Variants in CTNNBL1 observed in about 807,000 individuals in gnomAD.
CTNNBL1 encodes catenin beta like 1.
Under a neutral mutation model 72.7 loss-of-function variants are expected in CTNNBL1, and 31 were observed. The observed-to-expected ratio is 0.43, with a 90% CI of 0.32 to 0.58. CTNNBL1 has a LOEUF of 0.58. Among genes scored for constraint, CTNNBL1 ranks in the 20% least tolerant of loss-of-function variants. The pLI, the probability that CTNNBL1 is intolerant of heterozygous loss-of-function variation, is 0.08. For missense variants in CTNNBL1, 534 were observed against 725.1 expected (o/e 0.74, Z 3.03); for synonymous variants, 240 against 267.3 (o/e 0.90, Z 1.00).
chr20:37,797,352 T>A (rs989391879), intron 10 of CTNNBL1, among the ~76,000 whole-genome samples: 5 of 150,404 alleles, frequency 3.3e-5, no homozygotes, highest in Non-Finnish European at 7.4e-5. Flanking sequence ...AACACCTTGT[T>A]GCTTTTTTTT....
chr20:37,824,109 C>T (rs145279297), intron 11 of CTNNBL1, among the ~76,000 whole-genome samples: 91 of 152,310 alleles, frequency 6.0e-4, no homozygotes, highest in African/African-American at 2.1e-3. Flanking sequence ...AAAAGTGATG[C>T]GCTGCAGGAA....
At chr20:37,841,503 A>G (rs1246538377) in intron 12 of CTNNBL1, among the ~76,000 whole-genome samples, 2 of 152,208 alleles carry the variant, frequency 1.3e-5, no homozygotes, top group Admixed American at 1.3e-4. Flanking sequence ...TTGGCTAAAG[A>G]AGGTTTGACC....
At chr20:37,819,611 A>T (rs574559106) in intron 11 of CTNNBL1, among the ~76,000 whole-genome samples, 2 of 152,304 alleles carry the variant, frequency 1.3e-5, no homozygotes, top group Admixed American at 6.5e-5. Context: ...ACCCCTTTTT[A>T]AAATGTAAGT....
intron 11 of CTNNBL1, among the ~76,000 whole-genome samples, chr20:37,814,810 C>T (rs553806783): frequency 1.3e-5 from 2 of 152,340 alleles, no homozygotes; most frequent in East Asian, 3.9e-4. Flanking sequence ...AGAATTCTCA[C>T]AGTACAAGCC....
intron 11 of CTNNBL1, among the ~76,000 whole-genome samples, chr20:37,817,807 CT>C (rs2072073200): frequency 6.6e-6 from 1 of 152,222 alleles, no homozygotes; most frequent in South Asian, 2.1e-4. Flanking sequence ...ATATTGATAT[CT>C]GCCTCACAAG....
At chr20:37,809,363 A>G (rs1050236727) in intron 11 of CTNNBL1, among the ~76,000 whole-genome samples, 6 of 152,280 alleles carry the variant, frequency 3.9e-5, no homozygotes, top group Middle Eastern at 3.4e-3. Context: ...TTCAGCCAAT[A>G]TGTTCATTTG....
intron 4 of CTNNBL1, among the ~76,000 whole-genome samples, chr20:37,753,991 C>G (rs1477712793): frequency 3.3e-5 from 5 of 152,180 alleles, no homozygotes; most frequent in Non-Finnish European, 7.3e-5. Flanking sequence ...CACAAGATTA[C>G]ATGGCTGGTG....
intron 11 of CTNNBL1, among the ~76,000 whole-genome samples, chr20:37,820,834 G>A (rs181051177): frequency 3.9e-5 from 6 of 152,288 alleles, no homozygotes; most frequent in Admixed American, 1.3e-4. Flanking sequence ...TTATAGTAGC[G>A]TGAATGTGAA....
At chr20:37,742,907 A>C (rs1600457342) in intron 3 of CTNNBL1, among the ~76,000 whole-genome samples, 1 of 152,050 alleles carries the variant, frequency 6.6e-6, no homozygotes, top group South Asian at 2.1e-4. Flanking sequence ...AGGTTCAAGC[A>C]ATTCTCCTGC....
At chr20:37,702,749 C>T (rs1317747125) in intron 1 of CTNNBL1, among the ~76,000 whole-genome samples, 2 of 152,144 alleles carry the variant, frequency 1.3e-5, no homozygotes, top group African/African-American at 2.4e-5. Flanking sequence ...TTACAAAACA[C>T]ATTCTATTTA....
At chr20:37,805,241 A>T (rs545661488) in intron 11 of CTNNBL1, among the ~76,000 whole-genome samples, 1 of 152,360 alleles carries the variant, frequency 6.6e-6, no homozygotes, top group African/African-American at 2.4e-5. Flanking sequence ...GCTAGAGCAC[A>T]GTGGCCTCAG....
chr20:37,779,124 A>T, intron 9 of CTNNBL1, 63 bp from the exon 10 acceptor site: 3 of 1,546,388 alleles, frequency 1.9e-6, no homozygotes, highest in Non-Finnish European at 1.8e-6. Flanking sequence ...GAATTGTTGG[A>T]TGGAGGCTCA....
At position 37,817,873 on chromosome 20, in the gene CTNNBL1, C is replaced by T. The variant is rs986490219; in HGVS notation, c.1213+14825C>T. Among the ~76,000 whole-genome samples the T allele has an allele frequency of 1.7e-3, 261 of 152,346 alleles. 6 individuals carry two copies. The highest frequency in any genetic ancestry group is 3.5e-4 in the Non-Finnish European group (24 of 68,026). On this transcript the variant is annotated intron_variant, in intron 11 of 15. Coordinates refer to ENST00000361383, the MANE Select transcript of CTNNBL1 (RefSeq NM_030877.5). ...AAATGTAAGTCCTCTTCCCTTCTCA[C>T]ATACCTGGGAGTCTCTTGGGGATGG... is the stretch of plus-strand genomic sequence containing the variant.
chr20:37,766,366 CCT>C (rs2073468314), intron 6 of CTNNBL1, among the ~76,000 whole-genome samples: 1 of 152,132 alleles, frequency 6.6e-6, no homozygotes, highest in African/African-American at 2.4e-5. Context: ...GAGAGTCTTC[CCT>C]CTCTCTCACT....
chr20:37,799,391 G>A (rs908647586), intron 10 of CTNNBL1, among the ~76,000 whole-genome samples: 20 of 152,002 alleles, frequency 1.3e-4, no homozygotes, highest in African/African-American at 4.4e-4. Flanking sequence ...CTGGCCATTC[G>A]GAACTACCTC....
At chr20:37,868,223 G>C (rs1366757724) in intron 15 of CTNNBL1, among the ~76,000 whole-genome samples, 5 of 152,120 alleles carry the variant, frequency 3.3e-5, no homozygotes. Context: ...GGCCAGGCAG[G>C]GTAGCCTGTT....
chr20:37,850,328 A>G (rs1401350804), intron 13 of CTNNBL1, among the ~76,000 whole-genome samples: 5 of 152,216 alleles, frequency 3.3e-5, no homozygotes, highest in Non-Finnish European at 7.3e-5. Context: ...TGCAAGCCCA[A>G]GGTTAAATCC....
chr20:37,709,889 C>T (rs2072922183), intron 1 of CTNNBL1, among the ~76,000 whole-genome samples: 1 of 152,174 alleles, frequency 6.6e-6, no homozygotes, highest in South Asian at 2.1e-4. Flanking sequence ...CAGAAACAGA[C>T]TTTCCAGGTA....
chr20:37,816,448 G>T (rs1166432837), intron 11 of CTNNBL1, among the ~76,000 whole-genome samples: 1 of 152,180 alleles, frequency 6.6e-6, no homozygotes, highest in Non-Finnish European at 1.5e-5. Context: ...CATAATTGTT[G>T]TGCTTAGGTT....
Sources: allele counts gnomAD v4.1 joint callset (sites outside exome capture counted in the v4.1 genomes callset), GRCh38; gene constraint gnomAD v4.1.1; transcripts MANE v1.5; gene names NCBI Gene and HGNC (gene_info 2026-07-23, HGNC 2026-07-21).